VOPP1: variants seen among roughly 807,000 people sequenced by gnomAD.
VOPP1 encodes WW domain binding protein VOPP1.
In VOPP1, 8 loss-of-function variants were observed where a neutral mutation model predicts 23.5. That is an observed-to-expected ratio of 0.34 (90% CI 0.20 to 0.61). VOPP1 has a LOEUF of 0.61. VOPP1 is among the 20% of genes least tolerant of loss of function. The pLI is 0.78. For missense variants in VOPP1, 174 were observed against 238.1 expected (o/e 0.73, Z 1.77); for synonymous variants, 83 against 97.3 (o/e 0.85, Z 0.86).
At chr7:55,511,314 T>C (rs1466783917) in intron 2 of VOPP1, among the ~76,000 whole-genome samples, 1 of 152,200 alleles carries the variant, frequency 6.6e-6, no homozygotes, top group Non-Finnish European at 1.5e-5. Flanking sequence ...AGAATATAAG[T>C]ATAAGCTTTG....
intron 4 of VOPP1, among the ~76,000 whole-genome samples, chr7:55,443,446 C>T (rs1323270331): frequency 1.3e-5 from 2 of 151,644 alleles, no homozygotes; most frequent in African/African-American, 2.4e-5. Context: ...CCTAGCTACT[C>T]GGGAGGCTGA....
intron 1 of VOPP1, among the ~76,000 whole-genome samples, chr7:55,535,605 T>G (rs778381663): frequency 2.6e-5 from 4 of 152,252 alleles, no homozygotes; most frequent in African/African-American, 4.8e-5. Flanking sequence ...CTTCAGAGTT[T>G]CCACCAACGG....
intron 1 of VOPP1, among the ~76,000 whole-genome samples, chr7:55,559,727 A>G (rs1797921639): frequency 6.6e-6 from 1 of 152,188 alleles, no homozygotes; most frequent in Non-Finnish European, 1.5e-5. Context: ...TCAAAGCATA[A>G]AACAGACCTA....
At chr7:55,445,182 GCT>G (rs147403072) in intron 4 of VOPP1, among the ~76,000 whole-genome samples, 6 of 150,932 alleles carry the variant, frequency 4.0e-5, no homozygotes, top group East Asian at 1.9e-4. Context: ...TCTTTCTTTT[GCT>G]CTCTCTCTCA....
At chr7:55,520,480 G>A (rs553087449) in intron 2 of VOPP1, among the ~76,000 whole-genome samples, 49 of 152,210 alleles carry the variant, frequency 3.2e-4, no homozygotes, top group Admixed American at 5.2e-4. Context: ...ACAAACACAC[G>A]AAAACGACAG....
chr7:55,450,352 C>T (rs547685358), intron 4 of VOPP1, among the ~76,000 whole-genome samples: 40 of 152,276 alleles, frequency 2.6e-4, no homozygotes, highest in African/African-American at 8.9e-4. Flanking sequence ...TGTGTAACCA[C>T]CCAGAACCCA....
At chr7:55,550,085 G>A (rs1797541334) in intron 1 of VOPP1, among the ~76,000 whole-genome samples, 2 of 152,242 alleles carry the variant, frequency 1.3e-5, no homozygotes, top group African/African-American at 4.8e-5. Context: ...CTACTCCCCA[G>A]AACAAGGGAG....
chr7:55,529,136 T>C (rs1442077873), intron 1 of VOPP1, among the ~76,000 whole-genome samples: 4 of 152,022 alleles, frequency 2.6e-5, no homozygotes, highest in African/African-American at 9.7e-5. Context: ...TCCCAGCACT[T>C]TGGGAGGCCA....
chr7:55,559,002 A>G (rs1312972938), intron 1 of VOPP1, among the ~76,000 whole-genome samples: 1 of 152,214 alleles, frequency 6.6e-6, no homozygotes, highest in Non-Finnish European at 1.5e-5. Context: ...ACCTAATTAT[A>G]TTAATTTTAT....
At chr7:55,437,139 A>G (rs1790851721) in intron 4 of VOPP1, among the ~76,000 whole-genome samples, 1 of 152,204 alleles carries the variant, frequency 6.6e-6, no homozygotes, top group African/African-American at 2.4e-5. Flanking sequence ...GGAAGTTACC[A>G]AACACTGTGC....
At chr7:55,515,530 T>C (rs544331936) in intron 2 of VOPP1, among the ~76,000 whole-genome samples, 1 of 152,354 alleles carries the variant, frequency 6.6e-6, no homozygotes, top group East Asian at 1.9e-4. Context: ...GCATCCCAAA[T>C]AGTGACTGAG....
chr7:55,465,698 T>C (rs140470236), downstream of VOPP1, among the ~76,000 whole-genome samples: 2 of 152,240 alleles, frequency 1.3e-5, no homozygotes, highest in Non-Finnish European at 2.9e-5. Flanking sequence ...CTCCATTTTA[T>C]AGTTGAGGAA....
intron 2 of VOPP1, among the ~76,000 whole-genome samples, chr7:55,503,769 G>A (rs1794527902): frequency 6.6e-6 from 1 of 152,180 alleles, no homozygotes; most frequent in Non-Finnish European, 1.5e-5. Context: ...ACAAGACAGT[G>A]CCTACGAACC....
At chr7:55,518,713 G>A (rs1046090237) in intron 2 of VOPP1, among the ~76,000 whole-genome samples, 1 of 152,210 alleles carries the variant, frequency 6.6e-6, no homozygotes. Flanking sequence ...ACGCTTGTTG[G>A]GAAGCCAAGT....
At chr7:55,558,693 A>C (rs953332167) in intron 1 of VOPP1, among the ~76,000 whole-genome samples, 2 of 152,142 alleles carry the variant, frequency 1.3e-5, no homozygotes, top group African/African-American at 4.8e-5. Context: ...CCACCCATCC[A>C]TCCATGTCCA....
At chr7:55,563,033 A>T (rs565694636) in intron 1 of VOPP1, among the ~76,000 whole-genome samples, 57 of 152,314 alleles carry the variant, frequency 3.7e-4, no homozygotes, top group African/African-American at 1.3e-3. Flanking sequence ...TCAGAAATTT[A>T]TTTCCAGTAA....
chr7:55,448,890 A>G (rs1791169524), intron 4 of VOPP1, among the ~76,000 whole-genome samples: 1 of 151,542 alleles, frequency 6.6e-6, no homozygotes, highest in Admixed American at 6.6e-5. Context: ...TAAAAGTGAA[A>G]AACAAAATGG....
intron 1 of VOPP1, among the ~76,000 whole-genome samples, chr7:55,522,224 C>T (rs1027315758): frequency 6.6e-6 from 1 of 152,176 alleles, no homozygotes; most frequent in African/African-American, 2.4e-5. Flanking sequence ...TAGAGACAGG[C>T]CCCACATCTA....
At chr7:55,469,580 T>G (rs906605023), downstream of VOPP1, among the ~76,000 whole-genome samples, 3 of 152,252 alleles carry the variant, frequency 2.0e-5, no homozygotes, top group Non-Finnish European at 2.9e-5. Context: ...AAGGCCCAGC[T>G]GCAAGGGTGC....
Sources: gnomAD v4.1 joint callset for allele counts (sites outside exome capture counted in the v4.1 genomes callset) on GRCh38, gnomAD v4.1.1 for gene constraint, MANE v1.5 for transcripts, NCBI Gene and HGNC (gene_info 2026-07-23, HGNC 2026-07-21) for gene names.